The following OSBPL10 variants were observed in gnomAD, a reference collection of about 807,000 sequenced individuals.
OSBPL10 encodes oxysterol-binding protein-related protein 10.
Under a neutral mutation model 81.7 loss-of-function variants are expected in OSBPL10, and 49 were observed. That is an observed-to-expected ratio of 0.60 (90% confidence interval 0.48 to 0.76). OSBPL10 has a LOEUF of 0.76. Among genes scored for constraint, OSBPL10 ranks in the 30% least tolerant of loss-of-function variants. OSBPL10 has a pLI of 0.00. For synonymous variants in OSBPL10, 419 were observed against 383.6 expected, an observed-to-expected ratio of 1.09 and a Z score of -1.08; for missense variants, 923 against 987.8, an observed-to-expected ratio of 0.93 and a Z score of 0.88.
At chr3:32,011,778 CGA>C (rs1444820569) in intron 2 of OSBPL10, among the ~76,000 whole-genome samples, 2 of 152,030 alleles carry the variant, frequency 1.3e-5, no homozygotes, top group African/African-American at 4.8e-5. Context: ...AACCATGGCA[CGA>C]GAACTACGTG....
chr3:31,685,997 G>A (rs1700783146), intron 7 of OSBPL10, among the ~76,000 whole-genome samples: 2 of 152,174 alleles, frequency 1.3e-5, no homozygotes, highest in African/African-American at 4.8e-5. Context: ...TCCTTCAGGA[G>A]CGAGTTCTCA....
At chr3:31,926,288 T>TCCCCCCCCCCCCC (rs1034706033) in intron 1 of OSBPL10, among the ~76,000 whole-genome samples, 2 of 88,148 alleles carry the variant, frequency 2.3e-5, no homozygotes, top group African/African-American at 4.9e-5. Context: ...TGGGTGATTT[T>TCCCCCCCCCCCCC]GCCCCCCCAG....
At chr3:31,683,303 G>A (rs896002008) in intron 8 of OSBPL10, among the ~76,000 whole-genome samples, 5 of 152,174 alleles carry the variant, frequency 3.3e-5, no homozygotes, top group Admixed American at 6.5e-5. Flanking sequence ...TCACAGATTT[G>A]GAGGCCAACT....
intron 1 of OSBPL10, among the ~76,000 whole-genome samples, chr3:31,971,602 G>C (rs1698569508): frequency 6.6e-6 from 1 of 152,234 alleles, no homozygotes; most frequent in African/African-American, 2.4e-5. Context: ...GCAAAGAGTA[G>C]AGCTGGGATT....
intron 4 of OSBPL10, among the ~76,000 whole-genome samples, chr3:31,806,915 CA>C: frequency 6.6e-6 from 1 of 151,998 alleles, no homozygotes; most frequent in Admixed American, 6.5e-5. Flanking sequence ...AACTAGAACC[CA>C]GGAAACAGGG....
chr3:31,745,847 C>T (rs1011550228), intron 5 of OSBPL10, among the ~76,000 whole-genome samples: 1 of 152,196 alleles, frequency 6.6e-6, no homozygotes, highest in Non-Finnish European at 1.5e-5. Context: ...ACACAATCTA[C>T]TCTGAAAAAC....
At chr3:32,044,514 G>A (rs2125560888) in intron 2 of OSBPL10, among the ~76,000 whole-genome samples, 1 of 151,394 alleles carries the variant, frequency 6.6e-6, no homozygotes, top group Non-Finnish European at 1.5e-5. Context: ...GGCCAAGGCG[G>A]GCAGATCACT....
At chr3:31,878,814 C>CGTGTGTGT (rs1559502481) in intron 2 of OSBPL10, among the ~76,000 whole-genome samples, 33 of 104,824 alleles carry the variant, frequency 3.1e-4, no homozygotes, top group African/African-American at 8.2e-4. Context: ...TCTGCGTGTC[C>CGTGTGTGT]ATGTGTGTGT....
chr3:31,678,782 C>CTCTGTGTG (rs1553612966), intron 8 of OSBPL10, among the ~76,000 whole-genome samples: 1 of 135,540 alleles, frequency 7.4e-6, no homozygotes, highest in African/African-American at 2.7e-5. Flanking sequence ...CAGATTCAAA[C>CTCTGTGTG]TGTGTGTGTG....
chr3:31,983,539 G>C (rs915732546), upstream of OSBPL10, among the ~76,000 whole-genome samples: 1 of 152,250 alleles, frequency 6.6e-6, no homozygotes, highest in African/African-American at 2.4e-5. Flanking sequence ...GAGCAAGCCA[G>C]CCGTATGGGA....
intron 3 of OSBPL10, among the ~76,000 whole-genome samples, chr3:31,837,324 TATA>T (rs1700379704): frequency 9.0e-4 from 3 of 3,338 alleles, no homozygotes; most frequent in African/African-American, 1.9e-3. Context: ...CCCCAAATTA[TATA>T]TATATATATA....
chr3:31,957,557 GA>G (rs1276250899), intron 1 of OSBPL10, among the ~76,000 whole-genome samples: 1 of 152,194 alleles, frequency 6.6e-6, no homozygotes, highest in Non-Finnish European at 1.5e-5. Flanking sequence ...GCACTGTTGT[GA>G]AAAAGAACCT....
intron 5 of OSBPL10, among the ~76,000 whole-genome samples, chr3:31,744,521 G>C (rs1317619770): frequency 1.7e-5 from 2 of 119,758 alleles, no homozygotes; most frequent in Non-Finnish European, 3.4e-5. Context: ...CTGGGTGATA[G>C]AGCGAGACTC....
In OSBPL10 at chr3:31,961,657, G is replaced by C. The variant is rs1393130916; in HGVS notation, c.281+19242C>G. Among the ~76,000 whole-genome samples, 5 of 152,236 alleles carry C rather than the reference G, an allele frequency of 3.3e-5. No individual in the cohort carries two copies. In the East Asian group the frequency reaches 9.7e-4, roughly 29 times the overall value. Reference sequence around the variant, plus strand: ...ACTCTATTTCCTAGGCTGGAGTGCAGTGGTGCAATCATAGCTCACTGCAGC... The same window carrying C: ...ACTCTATTTCCTAGGCTGGAGTGCACTGGTGCAATCATAGCTCACTGCAGC... On this transcript the variant is annotated intron_variant, in intron 1 of 11. Coordinates refer to ENST00000396556, the MANE Select transcript of OSBPL10 (RefSeq NM_017784.5).
chr3:31,787,721 T>A (rs1326203273), intron 4 of OSBPL10, among the ~76,000 whole-genome samples: 1 of 152,104 alleles, frequency 6.6e-6, no homozygotes, highest in Non-Finnish European at 1.5e-5. Context: ...GACCACTCAG[T>A]CCTAGATTGG....
chr3:31,738,638 C>T (rs1697258762), intron 5 of OSBPL10, among the ~76,000 whole-genome samples: 1 of 152,086 alleles, frequency 6.6e-6, no homozygotes, highest in African/African-American at 2.4e-5. Context: ...AATGGTGACC[C>T]ACGAGGCACG....
chr3:31,881,649 T>C (rs114055701), intron 1 of OSBPL10, among the ~76,000 whole-genome samples: 1 of 152,358 alleles, frequency 6.6e-6, no homozygotes, highest in African/African-American at 2.4e-5. Flanking sequence ...TAAGTAATTG[T>C]GGTTATTTAA....
chr3:31,683,917 G>A lies in OSBPL10; in HGVS notation c.1443C>T (p.Pro481=), dbSNP rs760022703. The A allele has an allele frequency of 2.5e-6, 4 of 1,614,236 alleles. No homozygotes were observed. The South Asian group carries it at 4.4e-5, about 18-fold the overall frequency. Residue 481 remains proline (P), a synonymous_variant, in exon 8 of 12, where the codon CCC becomes CCT. Coordinates refer to ENST00000396556, the MANE Select transcript of OSBPL10 (RefSeq NM_017784.5). ...KGALAKKPYN[P]IIGETFHCSW... ...AGCAGTGAAATGTCTCGCCTATGAT[G>A]GGGTTGTAGGGCTTCTTGGCTAAAG...
chr3:31,763,282 A>G lies in OSBPL10; in HGVS notation c.730-15162T>C, dbSNP rs183527099. ...AAATGCTGCTTTACTGACTCACTTCAGAAGTCTTCTGATTAATCTACTGTC... is the reference window on the plus strand; with the variant it reads ...AAATGCTGCTTTACTGACTCACTTCGGAAGTCTTCTGATTAATCTACTGTC... On this transcript the variant is annotated intron_variant, in intron 4 of 11. Coordinates refer to ENST00000396556, the MANE Select transcript of OSBPL10 (RefSeq NM_017784.5). Among the ~76,000 whole-genome samples the G allele has an allele frequency of 8.3e-4, 127 of 152,354 alleles. 1 individual carries two copies. The highest frequency in any genetic ancestry group is 2.1e-3 in the Admixed American group (32 of 15,306).
Sources: allele counts gnomAD v4.1 joint callset (sites outside exome capture counted in the v4.1 genomes callset), GRCh38; gene constraint gnomAD v4.1.1; transcripts MANE v1.5; gene names NCBI Gene and HGNC (gene_info 2026-07-23, HGNC 2026-07-21).